Variants in INO80B observed in about 807,000 individuals in gnomAD.
INO80B encodes IES2 homolog.
In INO80B, 18 loss-of-function variants were observed where a neutral mutation model predicts 31.4. The observed-to-expected ratio is 0.57, with a 90% CI of 0.40 to 0.85. The LOEUF is 0.85. Among genes scored for constraint, INO80B ranks in the 40% least tolerant of loss-of-function variants. The pLI is 0.00. For synonymous variants in INO80B, 238 were observed against 199.0 expected (o/e 1.20, Z -1.65); for missense variants, 469 against 475.4 (o/e 0.99, Z 0.13).
At position 74,455,519 on chromosome 2, in the gene INO80B, G is replaced by C. The variant is rs200213213; in HGVS notation, c.172G>C (p.Gly58Arg). 1.2e-6 allele frequency: 2 copies of C among 1,614,130 alleles called. No homozygotes were observed. The highest frequency in any genetic ancestry group is 2.2e-5 in the South Asian group (2 of 91,086). The change falls in exon 2 of 5, where the codon GGG (glycine) becomes CGG (arginine). Residue 58 changes from glycine (G) to arginine (R), a missense_variant. Transcript: ENST00000233331. ...GAAACACCATCAGGAAGAAGACGCC[G>C]GGCCCACGCAGCCGTCCCCTGCCAA... ...KKKHHQEEDA[G>R]PTQPSPAKPQ...
Position 74,457,399 on chromosome 2 carries a change from C to A in INO80B, c.606C>A (p.Gly202=). 1 of 1,606,396 alleles carries A rather than the reference C, an allele frequency of 6.2e-7. No homozygotes were observed. Among genetic ancestry groups the A allele is most frequent in the Non-Finnish European group, 8.5e-7 (1 of 1,176,838 alleles). Residue 202 remains glycine (G), a synonymous_variant, in exon 5 of 5, where the codon GGC becomes GGA. Transcript: ENST00000233331. Reference sequence around the variant, plus strand: ...TGCTGCCGCTGCCTGTAGCTGAGGGCTGCCCACCTCCCGCCCTCACAGAGG... The same window carrying A: ...TGCTGCCGCTGCCTGTAGCTGAGGGATGCCCACCTCCCGCCCTCACAGAGG... ...SPMLPLPVAE[G]CPPPALTEEM...
At chr2:74,456,597 G>A (rs568031785) in intron 4 of INO80B, among the ~76,000 whole-genome samples, 7 of 152,360 alleles carry the variant, frequency 4.6e-5, no homozygotes, top group African/African-American at 1.4e-4. Context: ...TGCAATACCA[G>A]AAGAGCTTTT....
intron 4 of INO80B, 40 bp downstream of exon 4, chr2:74,456,312 C>T (rs376897681): frequency 1.2e-6 from 2 of 1,606,768 alleles, no homozygotes; most frequent in Non-Finnish European, 8.5e-7. Flanking sequence ...CAAATGTATA[C>T]AGTATTGAGA....
Position 74,457,828 on chromosome 2 carries a change from G to C in INO80B, c.1035G>C (p.Gly345=), listed in dbSNP as rs763814810. 8 of 1,580,910 alleles carry C rather than the reference G, an allele frequency of 5.1e-6. No individual in the cohort carries two copies. In the African/African-American group the frequency reaches 9.5e-5, roughly 19 times the overall value. ...YRINLQMRLG[G]PEGPGSPLLA... ...TCAACCTGCAGATGCGGCTGGGGGG[G>C]CCCGAGGGTCCTGGATCCCCCCTTT... The change falls in exon 5 of 5, where the codon GGG becomes GGC. Residue 345 remains glycine (G), a synonymous_variant. Coordinates refer to ENST00000233331, the MANE Select transcript of INO80B (RefSeq NM_031288.4).
In INO80B at chr2:74,457,863, A is replaced by G. The variant is rs573860087; in HGVS notation, c.1070A>G (p.Ter357=). ...EGPGSPLLAT[*] Reference sequence around the variant, plus strand: ...CCTGGATCCCCCCTTTTGGCTACGTAAGGCCCTTAACCCGGACTCTGCGCC... The same window carrying G: ...CCTGGATCCCCCCTTTTGGCTACGTGAGGCCCTTAACCCGGACTCTGCGCC... Residue 357 remains the stop codon, a stop_retained_variant, in exon 5 of 5, where the codon TAA becomes TGA. Coordinates refer to ENST00000233331, the MANE Select transcript of INO80B (RefSeq NM_031288.4). 1 of 1,547,334 alleles carries G rather than the reference A, an allele frequency of 6.5e-7. No homozygotes were observed. The highest frequency in any genetic ancestry group is 8.7e-7 in the Non-Finnish European group (1 of 1,153,282).
rs748244696 is a variant in INO80B at position 74,457,389 on chromosome 2, T to C, written c.596T>C (p.Val199Ala). The C allele has an allele frequency of 5.3e-5, 85 of 1,607,968 alleles. No individual in the cohort carries two copies. Among genetic ancestry groups the C allele is most frequent in the Non-Finnish European group, 6.9e-5 (81 of 1,177,616 alleles). Residue 199 changes from valine (V) to alanine (A), a missense_variant, in exon 5 of 5, where the codon GTA becomes GCA. Val to Ala is a moderately conservative substitution (Grantham distance 64). Around this residue, in one of 3 missense-constraint regions of INO80B, gnomAD observed 223 missense variants for 253.4 expected, o/e 0.88. Coordinates refer to ENST00000233331, the MANE Select transcript of INO80B (RefSeq NM_031288.4). ...CCTTCCCCTATGCTGCCGCTGCCTG[T>C]AGCTGAGGGCTGCCCACCTCCCGCC... ...SQPSPMLPLP[V>A]AEGCPPPALT...
Sources: gnomAD v4.1 joint callset for allele counts (sites outside exome capture counted in the v4.1 genomes callset) on GRCh38, gnomAD v4.1.1 for gene constraint, gnomAD v4.1.1 regional missense constraint, MANE v1.5 for transcripts, NCBI Gene and HGNC (gene_info 2026-07-23, HGNC 2026-07-21) for gene names.